The following GLIS1 variants were observed in gnomAD, a reference collection of about 807,000 sequenced individuals.
The protein encoded by GLIS1 is zinc finger protein GLIS1.
Under a neutral mutation model 63.8 loss-of-function variants are expected in GLIS1, and 24 were observed. The ratio of observed to expected loss-of-function variants is 0.38; its 90% CI spans 0.27 to 0.53. The LOEUF is 0.53. Ranked by LOEUF, GLIS1 falls within the 20% of genes least tolerant of loss-of-function variation. GLIS1 has a pLI of 0.85. For missense variants in GLIS1, 1,036 were observed against 1,074.1 expected, an observed-to-expected ratio of 0.96 and a Z score of 0.50; for synonymous variants, 450 against 482.5, an observed-to-expected ratio of 0.93 and a Z score of 0.88.
chr1:53,658,236 C>T (rs1022875079), intron 2 of GLIS1, among the ~76,000 whole-genome samples: 5 of 152,176 alleles, frequency 3.3e-5, no homozygotes, highest in African/African-American at 1.2e-4. Flanking sequence ...TTGGCTCTCT[C>T]CTATGGACCC....
chr1:53,709,409 T>C (rs11206203), intron 2 of GLIS1, among the ~76,000 whole-genome samples: 255 of 9,160 alleles, frequency 0.028, 2 homozygotes, highest in African/African-American at 0.041. Context: ...TACATATATA[T>C]ATACACACAC....
In GLIS1 at chr1:53,530,193, G is replaced by A. The variant is rs188087240; in HGVS notation, c.1321-241C>T. On this transcript the variant is annotated intron_variant, in intron 4 of 10. Transcript: ENST00000628545. The stretch of plus-strand genomic sequence containing the variant: ...GAAATAGGGCGTGAGGGCTGGAGAA[G>A]AAAGTGGCCTTTCCAGTTCTGGACC... Among the ~76,000 whole-genome samples the A allele has an allele frequency of 3.3e-5, 5 of 152,324 alleles. No homozygotes were observed. The East Asian group carries it at 9.7e-4, about 29-fold the overall frequency.
chr1:53,556,869 G>A (rs1383231961), intron 4 of GLIS1, among the ~76,000 whole-genome samples: 2 of 146,112 alleles, frequency 1.4e-5, no homozygotes, highest in Non-Finnish European at 3.0e-5. Context: ...TACTGCAGGT[G>A]TGTGTATGCA....
At chr1:53,698,123 A>G (rs1296072107) in intron 2 of GLIS1, among the ~76,000 whole-genome samples, 1 of 150,158 alleles carries the variant, frequency 6.7e-6, no homozygotes, top group African/African-American at 2.5e-5. Context: ...AACAGGAAAC[A>G]ATTAAAGAAC....
At chr1:53,675,395 C>A (rs1408459639) in intron 2 of GLIS1, among the ~76,000 whole-genome samples, 1 of 152,116 alleles carries the variant, frequency 6.6e-6, no homozygotes, top group South Asian at 2.1e-4. Flanking sequence ...GATGGTGAAG[C>A]CTGTGCTCTG....
chr1:53,645,127 C>T (rs1012763181), intron 2 of GLIS1, among the ~76,000 whole-genome samples: 7 of 152,188 alleles, frequency 4.6e-5, no homozygotes, highest in Non-Finnish European at 1.0e-4. Context: ...ACAGTCTGGC[C>T]TCGGGGACTT....
chr1:53,556,542 T>G (rs1644830768), intron 4 of GLIS1, among the ~76,000 whole-genome samples: 1 of 143,084 alleles, frequency 7.0e-6, no homozygotes. Flanking sequence ...ACTGCAGGTG[T>G]GTGTGTGTGC....
intron 2 of GLIS1, among the ~76,000 whole-genome samples, chr1:53,606,937 C>T (rs1376580620): frequency 2.0e-5 from 3 of 152,204 alleles, no homozygotes; most frequent in Non-Finnish European, 4.4e-5. Flanking sequence ...GCCGCGGAGA[C>T]ACCCGAGCCA....
intron 7 of GLIS1, among the ~76,000 whole-genome samples, chr1:53,516,674 G>A (rs1464811019): frequency 2.0e-5 from 3 of 152,030 alleles, no homozygotes; most frequent in South Asian, 2.1e-4. Flanking sequence ...TTAGTCGGGC[G>A]TGGTGGCATG....
rs919008620 is a variant in GLIS1, at chr1:53,701,998, G to GAAAAA, written c.259+35803_259+35807dup. ...ACAGAGCAAGGCTCTACCTAAAAAA[G>GAAAAA]AAAAAAAAAAAAAAAAAAAAAAAAG... On this transcript the variant is annotated intron_variant, in intron 2 of 10. Coordinates refer to ENST00000628545, the MANE Select transcript of GLIS1 (RefSeq NM_001367484.1). 3.7e-3 allele frequency among the ~76,000 whole-genome samples: 209 copies of GAAAAA among 56,186 alleles called. 1 individual carries two copies. Among genetic ancestry groups the GAAAAA allele is most frequent in the Non-Finnish European group, 4.7e-3 (119 of 25,100 alleles). 36.9% of individuals were successfully genotyped at this position (56,186 alleles called of 152,430 possible). A position where few individuals can be genotyped will look rare whatever the true frequency, so the allele number is the denominator to read the frequency against.
chr1:53,602,763 C>G (rs927469754), intron 2 of GLIS1, among the ~76,000 whole-genome samples: 56 of 152,340 alleles, frequency 3.7e-4, no homozygotes, highest in African/African-American at 1.3e-3. Flanking sequence ...AAACCTAGAT[C>G]TCCCAGACTT....
chr1:53,522,685 G>C (rs72893329), intron 6 of GLIS1, among the ~76,000 whole-genome samples: 8,806 of 152,154 alleles, frequency 0.058, 880 homozygotes, highest in African/African-American at 0.2. Flanking sequence ...AAGGTGGAAG[G>C]ATTACTTGAA....
intron 2 of GLIS1, among the ~76,000 whole-genome samples, chr1:53,621,665 A>G (rs907584444): frequency 2.6e-5 from 4 of 151,928 alleles, no homozygotes; most frequent in Non-Finnish European, 5.9e-5. Flanking sequence ...AGTTTTAGTA[A>G]TACGTTTTCA....
intron 2 of GLIS1, among the ~76,000 whole-genome samples, chr1:53,602,958 G>A (rs773583954): frequency 1.1e-4 from 17 of 152,188 alleles, no homozygotes; most frequent in South Asian, 4.1e-4. Flanking sequence ...GGGTAAGCCC[G>A]CTCCATCGAC....
At chr1:53,695,123 G>T (rs543989319) in intron 2 of GLIS1, among the ~76,000 whole-genome samples, 4 of 151,600 alleles carry the variant, frequency 2.6e-5, no homozygotes, top group Non-Finnish European at 4.4e-5. Context: ...CCTGCAGGCC[G>T]ACTGTCAGCT....
chr1:53,703,132 G>A (rs1281502136), intron 2 of GLIS1, among the ~76,000 whole-genome samples: 1 of 152,212 alleles, frequency 6.6e-6, no homozygotes, highest in Non-Finnish European at 1.5e-5. Context: ...GGGCTCTGGT[G>A]GAAGCCGACG....
intron 2 of GLIS1, among the ~76,000 whole-genome samples, chr1:53,698,930 C>G (rs1237115350): frequency 6.6e-6 from 1 of 152,166 alleles, no homozygotes; most frequent in African/African-American, 2.4e-5. Context: ...CAAGGTCCCA[C>G]AACTAATAAT....
At chr1:53,548,572 T>C (rs1383041555) in intron 4 of GLIS1, among the ~76,000 whole-genome samples, 1 of 152,204 alleles carries the variant, frequency 6.6e-6, no homozygotes, top group Non-Finnish European at 1.5e-5. Context: ...GGCCTGGCTC[T>C]TTGGGACAGG....
intron 4 of GLIS1, among the ~76,000 whole-genome samples, chr1:53,584,859 T>A (rs1021267943): frequency 2.6e-5 from 4 of 152,086 alleles, no homozygotes; most frequent in African/African-American, 7.2e-5. Flanking sequence ...GGCAACCCCA[T>A]CTGTTATCCA....
Sources: gnomAD v4.1 joint callset for allele counts (sites outside exome capture counted in the v4.1 genomes callset) on GRCh38, gnomAD v4.1.1 for gene constraint, MANE v1.5 for transcripts, NCBI Gene and HGNC (gene_info 2026-07-23, HGNC 2026-07-21) for gene names.